The following MYH11 variants were observed in gnomAD, a reference collection of about 807,000 sequenced individuals.
The protein encoded by MYH11 is myosin-11.
In MYH11, 80 loss-of-function variants were observed where a neutral mutation model predicts 246.6. The observed-to-expected ratio is 0.32, with a 90% CI of 0.27 to 0.39. MYH11 has a LOEUF of 0.39. Ranked by LOEUF, MYH11 falls within the 10% of genes least tolerant of loss-of-function variation. MYH11 has a pLI of 1.00. For missense variants in MYH11, 2,158 were observed against 2,546.8 expected (o/e 0.85, Z 3.29); for synonymous variants, 1,071 against 1,015.5 (o/e 1.05, Z -1.04).
At chr16:15,737,096 CAG>C (rs374148751) in intron 25 of MYH11, among the ~76,000 whole-genome samples, 51 of 152,154 alleles carry the variant, frequency 3.4e-4, no homozygotes, top group African/African-American at 1.2e-3. Context: ...CCGCCTTAGA[CAG>C]GGGTGTTTGA....
In MYH11 at chr16:15,715,052, CT is replaced by C. The variant is rs1856164795; in HGVS notation, c.5642del (p.Gln1881ArgfsTer41). 1 of 1,613,400 alleles carries C rather than the reference CT, an allele frequency of 6.2e-7. No homozygotes were observed. On this transcript the variant is annotated frameshift_variant, in exon 40 of 41. Transcript: ENST00000300036. LOFTEE classifies it high-confidence loss of function. ...CTGCCTCCTCCAGCTGCCTCTTGAG[CT>C]GCTTGACCCTGGCATTGCCTTTCTC... ...QAEKGNARVK[Q>X]LKRQLEEAEE...
intron 13 of MYH11, 76 bp downstream of exon 13, chr16:15,757,751 G>T: frequency 6.4e-7 from 1 of 1,573,176 alleles, no homozygotes; most frequent in Non-Finnish European, 8.7e-7. Flanking sequence ...GAGAGTGTGG[G>T]GTCCACGTCG....
At chr16:15,806,925 G>A (rs1021087744) in intron 3 of MYH11, among the ~76,000 whole-genome samples, 2 of 151,886 alleles carry the variant, frequency 1.3e-5, no homozygotes, top group South Asian at 4.2e-4. Context: ...CCTGAGCCAG[G>A]TACCGAAAGC....
intron 1 of MYH11, among the ~76,000 whole-genome samples, chr16:15,850,792 G>A (rs2044310517): frequency 1.3e-5 from 2 of 152,194 alleles, no homozygotes; most frequent in African/African-American, 4.8e-5. Context: ...CTACTCGGGA[G>A]GCTGAGGTGG....
At chr16:15,836,806 C>A (rs951308343) in intron 2 of MYH11, among the ~76,000 whole-genome samples, 1 of 145,814 alleles carries the variant, frequency 6.9e-6, no homozygotes, top group African/African-American at 2.6e-5. Context: ...CTCACTGCAA[C>A]CTCTGCCTCC....
At chr16:15,746,737 T>C (rs1452898201) in intron 19 of MYH11, among the ~76,000 whole-genome samples, 2 of 152,160 alleles carry the variant, frequency 1.3e-5, no homozygotes. Flanking sequence ...TAAATCCCAC[T>C]GGGACACGGG....
intron 16 of MYH11, 129 bp from the exon 17 acceptor site, chr16:15,748,297 G>T (rs1398437268): frequency 1.3e-6 from 2 of 1,486,350 alleles, no homozygotes; most frequent in African/African-American, 2.8e-5. Flanking sequence ...CCCAAGGAGG[G>T]CTTAGCTGAG....
chr16:15,715,932 C>T (rs1213495343), intron 38 of MYH11, among the ~76,000 whole-genome samples: 1 of 152,082 alleles, frequency 6.6e-6, no homozygotes, highest in Non-Finnish European at 1.5e-5. Flanking sequence ...TCGAGACCAG[C>T]CTGGCCAACA....
chr16:15,807,849 T>A (rs1014278682), intron 3 of MYH11, among the ~76,000 whole-genome samples: 3 of 152,116 alleles, frequency 2.0e-5, no homozygotes, highest in Admixed American at 2.0e-4. Flanking sequence ...GCCTGAGGAC[T>A]CCCAGGAGGT....
At chr16:15,738,917 C>T (rs1182312189) in intron 23 of MYH11, among the ~76,000 whole-genome samples, 2 of 152,026 alleles carry the variant, frequency 1.3e-5, no homozygotes, top group Non-Finnish European at 2.9e-5. Flanking sequence ...GCTAAAGGTA[C>T]CCTCCTTCCA....
chr16:15,829,165 A>C (rs965001230), intron 2 of MYH11, among the ~76,000 whole-genome samples: 9 of 151,876 alleles, frequency 5.9e-5, no homozygotes, highest in African/African-American at 2.2e-4. Flanking sequence ...CCTGGGTGAC[A>C]AAGTGAGACT....
In MYH11 at chr16:15,703,571, G is replaced by C. The variant is rs12932063; in HGVS notation, c.*420C>G. On this transcript the variant is annotated 3_prime_UTR_variant, in exon 41 of 41. Coordinates refer to ENST00000300036, the MANE Select transcript of MYH11 (RefSeq NM_002474.3). Reference sequence around the variant, plus strand: ...TCATACAAACTTCAATTTTTACCTTGAATACAGGGGTAGTAGGGGTGGTGG... The same window carrying C: ...TCATACAAACTTCAATTTTTACCTTCAATACAGGGGTAGTAGGGGTGGTGG... 11,457 of 340,898 alleles carry C rather than the reference G, an allele frequency of 0.034. 302 individuals are homozygous for C. Among genetic ancestry groups the C allele is most frequent in the South Asian group, 0.076 (1,781 of 23,374 alleles). 21.1% of individuals were successfully genotyped at this position (340,898 alleles called of 1,614,324 possible).
At chr16:15,852,686 C>T (rs1056543234) in intron 1 of MYH11, among the ~76,000 whole-genome samples, 5 of 152,052 alleles carry the variant, frequency 3.3e-5, no homozygotes, top group African/African-American at 4.8e-5. Context: ...ATTTTAGATA[C>T]GCATGCCCTT....
intron 3 of MYH11, among the ~76,000 whole-genome samples, chr16:15,806,957 T>C (rs925715960): frequency 4.7e-5 from 4 of 84,490 alleles, no homozygotes; most frequent in African/African-American, 2.1e-4. Context: ...TAAGATCTGC[T>C]TTTTTTTTTC....
At chr16:15,745,915 T>C (rs1447221496) in intron 19 of MYH11, among the ~76,000 whole-genome samples, 1 of 150,562 alleles carries the variant, frequency 6.6e-6, no homozygotes, top group Admixed American at 6.6e-5. Context: ...CTAACTTATT[T>C]ATTTATTTGT....
chr16:15,726,267 CTCT>C (rs2040752297), intron 28 of MYH11: 1 of 156,124 alleles, frequency 6.4e-6, no homozygotes, highest in East Asian at 1.9e-4. Flanking sequence ...GCGACAGTGT[CTCT>C]TCTTCCTTGC....
At chr16:15,737,992 T>C (rs1282615204) in intron 24 of MYH11, among the ~76,000 whole-genome samples, 1 of 152,062 alleles carries the variant, frequency 6.6e-6, no homozygotes, top group African/African-American at 2.4e-5. Flanking sequence ...TTCACCATGT[T>C]GGCCAGGCTG....
chr16:15,780,914 C>T (rs1354415229), intron 6 of MYH11, among the ~76,000 whole-genome samples: 1 of 152,188 alleles, frequency 6.6e-6, no homozygotes, highest in African/African-American at 2.4e-5. Context: ...GAGTCAGTTG[C>T]CATTCTGGAA....
intron 3 of MYH11, among the ~76,000 whole-genome samples, chr16:15,814,409 C>T (rs1341695160): frequency 3.3e-5 from 5 of 151,068 alleles, no homozygotes; most frequent in East Asian, 2.0e-4. Context: ...AAAAATTAGC[C>T]GGGTGTGGTG....
Sources: allele counts gnomAD v4.1 joint callset (sites outside exome capture counted in the v4.1 genomes callset), GRCh38; gene constraint gnomAD v4.1.1; transcripts MANE v1.5; gene names NCBI Gene and HGNC (gene_info 2026-07-23, HGNC 2026-07-21).